FAF1: variants seen among roughly 807,000 people sequenced by gnomAD.
FAF1 encodes the protein FAS-associated factor 1.
Under a neutral mutation model 92.5 loss-of-function variants are expected in FAF1, and 25 were observed. That is an observed-to-expected ratio of 0.27 (90% CI 0.20 to 0.38). FAF1 has a LOEUF of 0.38. FAF1 is among the 10% of genes least tolerant of loss of function. The pLI, the probability that FAF1 is intolerant of heterozygous loss-of-function variation, is 1.00. For synonymous variants in FAF1, 234 were observed against 273.2 expected (o/e 0.86, Z 1.42); for missense variants, 636 against 793.3 (o/e 0.80, Z 2.38).
intron 1 of FAF1, among the ~76,000 whole-genome samples, chr1:50,887,175 C>G (rs901810174): frequency 2.6e-5 from 4 of 152,176 alleles, no homozygotes; most frequent in Non-Finnish European, 4.4e-5. Flanking sequence ...GCATAAATGT[C>G]TTCTTTTGAG....
chr1:50,454,799 T>C (rs775887394), intron 18 of FAF1, among the ~76,000 whole-genome samples: 24 of 152,242 alleles, frequency 1.6e-4, no homozygotes, highest in Non-Finnish European at 3.1e-4. Context: ...TTATCTGTTG[T>C]GCCTTTTGAT....
At chr1:50,490,920 T>G (rs1646831880) in intron 16 of FAF1, among the ~76,000 whole-genome samples, 1 of 152,142 alleles carries the variant, frequency 6.6e-6, no homozygotes, top group African/African-American at 2.4e-5. Flanking sequence ...TAGCTCTGGG[T>G]AAAGTGGCAT....
chr1:50,787,984 G>A lies in FAF1; in HGVS notation c.367+16C>T. 1.9e-6 allele frequency: 3 copies of A among 1,597,262 alleles called. No individual in the cohort carries two copies. The African/African-American group carries it at 4.0e-5, about 21-fold the overall frequency. ...ATTATTTATTTGTGAAGGCTTTATG[G>A]CAGGAAAAACCTTACCAACAGTACA... On this transcript the variant is annotated intron_variant, in intron 4 of 18. Coordinates refer to ENST00000396153, the MANE Select transcript of FAF1 (RefSeq NM_007051.3).
chr1:50,800,855 C>T (rs1461705331), intron 3 of FAF1, among the ~76,000 whole-genome samples: 1 of 151,974 alleles, frequency 6.6e-6, no homozygotes, highest in African/African-American at 2.4e-5. Flanking sequence ...ATCCCAGCCA[C>T]CAAAATTCAA....
chr1:50,670,591 T>C (rs1330890088), intron 7 of FAF1, among the ~76,000 whole-genome samples: 1 of 152,212 alleles, frequency 6.6e-6, no homozygotes, highest in East Asian at 1.9e-4. Flanking sequence ...AAATTAATTC[T>C]TCAAAATTAT....
At chr1:50,458,954 C>G (rs988725989) in intron 18 of FAF1, among the ~76,000 whole-genome samples, 4 of 151,562 alleles carry the variant, frequency 2.6e-5, no homozygotes, top group African/African-American at 7.3e-5. Flanking sequence ...ACTCAGTCTC[C>G]CCTGCCCTGC....
Position 50,679,276 on chromosome 1 carries a change from G to C in FAF1, c.658-23748C>G, listed in dbSNP as rs151235690. ...ATCAATTTCAGCTGCTCTGCCTATG[G>C]AGTAACCATTCTTTATTCCTTTACT... On this transcript the variant is annotated intron_variant, in intron 7 of 18. Transcript: ENST00000396153. 1.1e-4 allele frequency among the ~76,000 whole-genome samples: 16 copies of C among 150,654 alleles called. No individual in the cohort carries two copies. The East Asian group carries it at 2.9e-3, about 27-fold the overall frequency.
At chr1:50,555,305 A>G (rs1178803536) in intron 13 of FAF1, among the ~76,000 whole-genome samples, 1 of 152,020 alleles carries the variant, frequency 6.6e-6, no homozygotes, top group Non-Finnish European at 1.5e-5. Context: ...CCCCCAAAAT[A>G]AAACCCAAAG....
chr1:50,879,186 A>G (rs980463621), intron 1 of FAF1, among the ~76,000 whole-genome samples: 1 of 152,210 alleles, frequency 6.6e-6, no homozygotes, highest in Non-Finnish European at 1.5e-5. Context: ...CGGAGTCTAC[A>G]GTGAGACAAG....
intron 18 of FAF1, among the ~76,000 whole-genome samples, chr1:50,447,653 G>A (rs1646245804): frequency 6.6e-6 from 1 of 152,172 alleles, no homozygotes; most frequent in South Asian, 2.1e-4. Flanking sequence ...AAATCTGTAA[G>A]TCTCTTTGAG....
chr1:50,664,641 A>G (rs941816425), intron 7 of FAF1, among the ~76,000 whole-genome samples: 1 of 152,028 alleles, frequency 6.6e-6, no homozygotes, highest in African/African-American at 2.4e-5. Context: ...ATACAAAAAC[A>G]AAATTAGCCA....
intron 1 of FAF1, among the ~76,000 whole-genome samples, chr1:50,957,326 T>C (rs930671198): frequency 6.6e-6 from 1 of 150,454 alleles, no homozygotes; most frequent in African/African-American, 2.4e-5. Flanking sequence ...ATCTTATTAA[T>C]GGGATCGAAA....
In FAF1 at chr1:50,734,499, C is replaced by T. The variant is rs140150203; in HGVS notation, c.551+4364G>A. On this transcript the variant is annotated intron_variant, in intron 6 of 18. Coordinates refer to ENST00000396153, the MANE Select transcript of FAF1 (RefSeq NM_007051.3). ...CCTGTAATCCCAGCACTTTGGGAAG[C>T]CGAGGCGGGTGGATCACGAGGTCAG... Among the ~76,000 whole-genome samples, 1,174 of 152,202 alleles carry T rather than the reference C, an allele frequency of 7.7e-3. 13 individuals are homozygous for T. Among genetic ancestry groups the T allele is most frequent in the African/African-American group, 0.027 (1,134 of 41,530 alleles).
intron 1 of FAF1, among the ~76,000 whole-genome samples, chr1:50,900,209 A>C (rs909161531): frequency 1.3e-5 from 2 of 152,194 alleles, no homozygotes; most frequent in Admixed American, 6.5e-5. Flanking sequence ...CTACCTAAAC[A>C]CTTCATAAAA....
chr1:50,545,237 C>A (rs933687961), intron 13 of FAF1, among the ~76,000 whole-genome samples: 1 of 151,994 alleles, frequency 6.6e-6, no homozygotes, highest in Non-Finnish European at 1.5e-5. Flanking sequence ...AAAAGATATG[C>A]AAAATTACAC....
intron 18 of FAF1, among the ~76,000 whole-genome samples, chr1:50,442,051 C>A (rs974548609): frequency 6.6e-6 from 1 of 151,716 alleles, no homozygotes; most frequent in African/African-American, 2.4e-5. Flanking sequence ...GGAAAAAAAA[C>A]AGGCAATGTC....
rs568388948 is a variant in FAF1, at chr1:50,519,457, GGGAAGGAA to G, written c.1494+15904_1494+15911del. ...GAAGGAAGGAGGAGGGAAGGAGGGA[GGGAAGGAA>G]GGAAGGAAGGAAGGAAAGAAAGAAA... On this transcript the variant is annotated intron_variant, in intron 15 of 18. Coordinates refer to ENST00000396153, the MANE Select transcript of FAF1 (RefSeq NM_007051.3). Among the ~76,000 whole-genome samples, 523 of 146,898 alleles carry G rather than the reference GGGAAGGAA, an allele frequency of 3.6e-3. 6 individuals carry two copies. The highest frequency in any genetic ancestry group is 0.035 in the East Asian group (171 of 4,848).
At chr1:50,958,575 G>A (rs915706091) in intron 1 of FAF1, among the ~76,000 whole-genome samples, 1 of 151,960 alleles carries the variant, frequency 6.6e-6, no homozygotes, top group African/African-American at 2.4e-5. Flanking sequence ...CTACTCGGGA[G>A]GCTGAGGCAG....
chr1:50,581,479 T>A (rs1558003409), intron 12 of FAF1, among the ~76,000 whole-genome samples: 1 of 152,328 alleles, frequency 6.6e-6, no homozygotes, highest in East Asian at 1.9e-4. Context: ...TTCCCTTTCT[T>A]TATTCCTTGA....
Sources: allele counts gnomAD v4.1 joint callset (sites outside exome capture counted in the v4.1 genomes callset), GRCh38; gene constraint gnomAD v4.1.1; transcripts MANE v1.5; gene names NCBI Gene and HGNC (gene_info 2026-07-23, HGNC 2026-07-21).